DPYSL2: variants seen among roughly 807,000 people sequenced by gnomAD.
DPYSL2 encodes the protein dihydropyrimidinase-related protein 2.
Under a neutral mutation model 69.9 loss-of-function variants are expected in DPYSL2, and 13 were observed. The ratio of observed to expected loss-of-function variants is 0.19; its 90% CI spans 0.12 to 0.30. The LOEUF is 0.30. DPYSL2 is among the 10% of genes least tolerant of loss of function. DPYSL2 has a pLI of 1.00. For missense variants in DPYSL2, 587 were observed against 918.9 expected (o/e 0.64, Z 4.67); for synonymous variants, 326 against 359.1 (o/e 0.91, Z 1.04).
At chr8:26,551,400 T>C (rs746417670) in intron 1 of DPYSL2, among the ~76,000 whole-genome samples, 1 of 152,238 alleles carries the variant, frequency 6.6e-6, no homozygotes, top group Non-Finnish European at 1.5e-5. Context: ...ATCTTTACTG[T>C]ATATGTGCCT....
rs1800549708 is a variant in DPYSL2, at chr8:26,533,901, C to T, written c.354+19222C>T. ...GACAAGAGGGTCTTAATTAATGCAA[C>T]TGAAAAGCAGGTCTGGTGAGAATGA... On this transcript the variant is annotated intron_variant, in intron 1 of 13. Transcript: ENST00000521913. This position sits in a 1 kb window ranked among gnomAD's most constrained non-coding sequence, Gnocchi z 4.8. Among the ~76,000 whole-genome samples, 1 of 152,140 alleles carries T rather than the reference C, an allele frequency of 6.6e-6. No individual in the cohort carries two copies. The highest frequency in any genetic ancestry group is 2.1e-4 in the South Asian group (1 of 4,828).
In DPYSL2 at chr8:26,584,594, T is replaced by G. The variant is rs974709737; in HGVS notation, c.628+611T>G. On this transcript the variant is annotated intron_variant, in intron 3 of 13. Coordinates refer to ENST00000521913, the MANE Select transcript of DPYSL2 (RefSeq NM_001197293.3). ...CCCACAGCTGGGTGCCCCTTACGTA[T>G]TGCTCCAAGGGCTTTGTGCTTTTTT... Among the ~76,000 whole-genome samples, 6 of 151,582 alleles carry G rather than the reference T, an allele frequency of 4.0e-5. No individual in the cohort carries two copies. In the South Asian group the frequency reaches 8.4e-4, roughly 21 times the overall value.
rs1299415495 is a variant in DPYSL2 at position 26,614,645 on chromosome 8, C to T, written c.629-9498C>T. On this transcript the variant is annotated intron_variant, in intron 3 of 13. Transcript: ENST00000521913. The surrounding 1 kb of genome is among the most constrained non-coding windows in gnomAD (Gnocchi z 4.9). ...CACTTCCCCCAGAGTTAGTCATAATCATTCTAGCAGGGCTTCTAGATGCTG... is the reference window on the plus strand; with the variant it reads ...CACTTCCCCCAGAGTTAGTCATAATTATTCTAGCAGGGCTTCTAGATGCTG... 6.6e-6 allele frequency among the ~76,000 whole-genome samples: 1 copy of T among 152,186 alleles called. No individual in the cohort carries two copies. Among genetic ancestry groups the T allele is most frequent in the Non-Finnish European group, 1.5e-5 (1 of 68,044 alleles).
chr8:26,616,744 C>G (rs1802359632), intron 3 of DPYSL2, among the ~76,000 whole-genome samples: 1 of 152,210 alleles, frequency 6.6e-6, no homozygotes, highest in Non-Finnish European at 1.5e-5. Context: ...TCCCTCTTCC[C>G]TCCTGCTCCA....
chr8:26,649,201 G>A (rs1458728532), intron 11 of DPYSL2, among the ~76,000 whole-genome samples: 4 of 152,236 alleles, frequency 2.6e-5, no homozygotes, highest in Non-Finnish European at 4.4e-5. Flanking sequence ...ATGTTACATA[G>A]CGATTTTGCG....
intron 1 of DPYSL2, among the ~76,000 whole-genome samples, chr8:26,575,532 G>A (rs1238705999): frequency 6.6e-6 from 1 of 152,022 alleles, no homozygotes; most frequent in Non-Finnish European, 1.5e-5. Flanking sequence ...TACTCTCTTA[G>A]GCTCTAGTCA....
chr8:26,625,606 C>T (rs908120451), intron 4 of DPYSL2, among the ~76,000 whole-genome samples: 2 of 152,130 alleles, frequency 1.3e-5, no homozygotes, highest in African/African-American at 2.4e-5. Flanking sequence ...AACTCCAAGA[C>T]GCCAGGATGA....
intron 1 of DPYSL2, among the ~76,000 whole-genome samples, chr8:26,542,203 G>A (rs911136863): frequency 2.6e-5 from 4 of 152,140 alleles, no homozygotes; most frequent in Non-Finnish European, 5.9e-5. Flanking sequence ...TGGGAGAATC[G>A]CTTGAGGCTG....
In DPYSL2 at chr8:26,565,291, C is replaced by T. The variant is rs368197934; in HGVS notation, c.355-16678C>T. 2.9e-4 allele frequency among the ~76,000 whole-genome samples: 44 copies of T among 152,250 alleles called. No individual in the cohort carries two copies. The East Asian group carries it at 3.3e-3, about 11-fold the overall frequency. On this transcript the variant is annotated intron_variant, in intron 1 of 13. Coordinates refer to ENST00000521913, the MANE Select transcript of DPYSL2 (RefSeq NM_001197293.3). This position sits in a 1 kb window ranked among gnomAD's most constrained non-coding sequence, Gnocchi z 4.1. ...TATCATGACTTCTTTTTGTCCCAAT[C>T]TTTAATGCAGTATGAGTGTTCTGTG...
chr8:26,541,879 T>TA (rs149390713), intron 1 of DPYSL2, among the ~76,000 whole-genome samples: 6,228 of 152,134 alleles, frequency 0.041, 241 homozygotes, highest in African/African-American at 0.099. Context: ...AAACAAGAGT[T>TA]AAAACAATGC....
chr8:26,577,681 C>A, intron 1 of DPYSL2: 1 of 498,068 alleles, frequency 2.0e-6, no homozygotes, highest in Non-Finnish European at 2.6e-6. Flanking sequence ...GCCGCCAAAC[C>A]CGGTCCCCAC....
At chr8:26,581,052 T>C (rs981533155) in intron 1 of DPYSL2, among the ~76,000 whole-genome samples, 1 of 152,256 alleles carries the variant, frequency 6.6e-6, no homozygotes, top group Non-Finnish European at 1.5e-5. Flanking sequence ...CAGATACTTA[T>C]TCGTGGGAGT....
chr8:26,625,982 A>G (rs1219987290), intron 4 of DPYSL2, among the ~76,000 whole-genome samples: 1 of 152,180 alleles, frequency 6.6e-6, no homozygotes, highest in East Asian at 1.9e-4. Context: ...CTCATTAAAC[A>G]CTAACTCTCC....
intron 8 of DPYSL2, chr8:26,637,816 A>C (rs1055097598): frequency 3.3e-5 from 5 of 152,252 alleles, no homozygotes; most frequent in African/African-American, 1.2e-4. Flanking sequence ...GATAGTAACC[A>C]TGACTCATCT....
Position 26,580,272 on chromosome 8 carries a change from A to G in DPYSL2, c.355-1697A>G, listed in dbSNP as rs1801461879. On this transcript the variant is annotated intron_variant, in intron 1 of 13. Transcript: ENST00000521913. This position sits in a 1 kb window ranked among gnomAD's most constrained non-coding sequence, Gnocchi z 4.1. Reference sequence around the variant, plus strand: ...GAGAAGTGGAGGTCATTGTAGACAGAGGACAAGTGCACTGATTTGAGTGAC... The same window carrying G: ...GAGAAGTGGAGGTCATTGTAGACAGGGGACAAGTGCACTGATTTGAGTGAC... 6.6e-6 allele frequency among the ~76,000 whole-genome samples: 1 copy of G among 152,146 alleles called. No homozygotes were observed. The highest frequency in any genetic ancestry group is 2.1e-4 in the South Asian group (1 of 4,826).
At chr8:26,616,699 G>C (rs1802357100) in intron 3 of DPYSL2, among the ~76,000 whole-genome samples, 1 of 152,218 alleles carries the variant, frequency 6.6e-6, no homozygotes. Context: ...GGGTACCCGA[G>C]GCGGGGTCGG....
intron 1 of DPYSL2, among the ~76,000 whole-genome samples, chr8:26,574,617 T>C (rs547851028): frequency 8.6e-4 from 131 of 152,358 alleles, no homozygotes; most frequent in African/African-American, 3.0e-3. Flanking sequence ...ATGTTTGGCA[T>C]GAATTTAATG....
chr8:26,559,309 C>T (rs1056748636), intron 1 of DPYSL2, among the ~76,000 whole-genome samples: 4 of 152,272 alleles, frequency 2.6e-5, no homozygotes, highest in African/African-American at 9.6e-5. Context: ...TATTTCCTTA[C>T]AATAAATTTA....
rs1803261831 is a variant in DPYSL2, at chr8:26,650,615, G to A, written c.1597-1642G>A. On this transcript the variant is annotated intron_variant, in intron 11 of 13. Coordinates refer to ENST00000521913, the MANE Select transcript of DPYSL2 (RefSeq NM_001197293.3). The surrounding 1 kb of genome is among the most constrained non-coding windows in gnomAD (Gnocchi z 5.3). ...CCATCGATTTTAAGATATTCCATTA[G>A]GTTATGTACCACGATGAAAGAAAAC... is the stretch of plus-strand genomic sequence containing the variant. 6.6e-6 allele frequency among the ~76,000 whole-genome samples: 1 copy of A among 152,198 alleles called. No homozygotes were observed. Among genetic ancestry groups the A allele is most frequent in the Non-Finnish European group, 1.5e-5 (1 of 68,042 alleles).
Sources: allele counts gnomAD v4.1 joint callset (sites outside exome capture counted in the v4.1 genomes callset), GRCh38; gene constraint gnomAD v4.1.1; non-coding constraint Gnocchi (gnomAD v3.1); transcripts MANE v1.5; gene names NCBI Gene and HGNC (gene_info 2026-07-23, HGNC 2026-07-21).